Variants in FBXO3 observed in about 807,000 individuals in gnomAD.
FBXO3 encodes the protein F-box only protein 3.
Under a neutral mutation model 64.8 loss-of-function variants are expected in FBXO3, and 17 were observed. That is an observed-to-expected ratio of 0.26 (90% confidence interval 0.18 to 0.39). The LOEUF (loss-of-function observed/expected upper bound fraction) is 0.39, where lower values mean the gene tolerates loss of function less well. FBXO3 is among the 10% of genes least tolerant of loss of function. The pLI, the probability that FBXO3 is intolerant of heterozygous loss-of-function variation, is 1.00. For missense variants in FBXO3, 420 were observed against 589.9 expected (o/e 0.71, Z 2.98); for synonymous variants, 182 against 201.6 (o/e 0.90, Z 0.82).
chr11:33,772,588 A>G (rs1331083233), intron 1 of FBXO3: 1 of 152,208 alleles, frequency 6.6e-6, no homozygotes, highest in East Asian at 1.9e-4. Flanking sequence ...CTCTGCCAGA[A>G]CTGCATATGC....
In FBXO3 at chr11:33,741,760, T is replaced by C. The variant is rs1854691392; in HGVS notation, c.*148A>G. The C allele has an allele frequency of 3.0e-6, 2 of 667,506 alleles. No individual in the cohort carries two copies. Among genetic ancestry groups the C allele is most frequent in the Non-Finnish European group, 4.4e-6 (2 of 453,394 alleles). The allele number at this position is 667,506 out of a possible 1,614,324, so 41.3% of individuals were successfully genotyped here. ...CAAACCCAAACAATCCAATTCCTAA[T>C]GTAGTGTCACATAGAACCCAGGGCC... On this transcript the variant is annotated 3_prime_UTR_variant, in exon 11 of 11. Transcript: ENST00000265651.
intron 3 of FBXO3, among the ~76,000 whole-genome samples, chr11:33,758,812 A>G (rs1467980360): frequency 2.0e-5 from 3 of 152,220 alleles, no homozygotes; most frequent in Admixed American, 2.0e-4. Flanking sequence ...AAACACTGGC[A>G]CTTAGTAAAA....
intron 8 of FBXO3, among the ~76,000 whole-genome samples, chr11:33,749,477 C>G (rs1048292717): frequency 3.3e-5 from 5 of 151,954 alleles, no homozygotes; most frequent in Admixed American, 3.3e-4. Context: ...TCTTCCGCCT[C>G]AGCTCCTCTA....
Position 33,770,841 on chromosome 11 carries a change from C to T in FBXO3, c.105-11G>A. ...CTGACATAACAACAGCTGGCAGTAA[C>T]CAGATTCACCGATAGTATTTAAAAA... On this transcript the variant is annotated splice_polypyrimidine_tract_variant and intron_variant, in intron 1 of 10. Transcript: ENST00000265651. The T allele has an allele frequency of 5.7e-6, 9 of 1,570,294 alleles. No individual in the cohort carries two copies. Among genetic ancestry groups the T allele is most frequent in the Non-Finnish European group, 7.8e-6 (9 of 1,147,164 alleles).
At chr11:33,751,658 A>C in intron 6 of FBXO3, 51 bp from the exon 7 acceptor site, 1 of 1,099,076 alleles carries the variant, frequency 9.1e-7, no homozygotes, top group South Asian at 1.4e-5. Flanking sequence ...AGTTTTGTAA[A>C]ATCTATACAG....
At position 33,774,468 on chromosome 11, in the gene FBXO3, C is replaced by A; in HGVS notation, c.30G>T (p.Pro10=). MAAMETETA[P]LTLESLPTDP... Reference sequence around the variant, plus strand: ...CGGTGGGCAGCGACTCTAGGGTCAGCGGCGCCGTCTCGGTCTCCATGGCCG... The same window carrying A: ...CGGTGGGCAGCGACTCTAGGGTCAGAGGCGCCGTCTCGGTCTCCATGGCCG... The change falls in exon 1 of 11, where the codon CCG becomes CCT. Residue 10 remains proline, a synonymous_variant. Coordinates refer to ENST00000265651, the MANE Select transcript of FBXO3 (RefSeq NM_012175.4). 1 of 1,588,914 alleles carries A rather than the reference C, an allele frequency of 6.3e-7. No individual in the cohort carries two copies. The highest frequency in any genetic ancestry group is 8.6e-7 in the Non-Finnish European group (1 of 1,168,372).
At chr11:33,746,435 G>T (rs1181633000) in intron 10 of FBXO3, 13 of 465,772 alleles carry the variant, frequency 2.8e-5, no homozygotes, top group Admixed American at 1.4e-4. Flanking sequence ...CTCTGGATCA[G>T]ATTAATATCA....
chr11:33,750,609 C>T lies in FBXO3; in HGVS notation c.862G>A (p.Val288Ile). 1 of 1,613,788 alleles carries T rather than the reference C, an allele frequency of 6.2e-7. No individual in the cohort carries two copies. The highest frequency in any genetic ancestry group is 1.3e-5 in the African/African-American group (1 of 75,022). The change falls in exon 8 of 11, where the codon GTT becomes ATT. Residue 288 changes from valine to isoleucine, a missense_variant. By Grantham distance (29) the Val-to-Ile change is conservative. Transcript: ENST00000265651. ...VATTGDITVS[V>I]STSFLPELSS... ...AGTTCTGGCAGAAACGATGTGGAAACTGACACAGTAATATCCCCAGTTGTT... is the reference window on the plus strand; with the variant it reads ...AGTTCTGGCAGAAACGATGTGGAAATTGACACAGTAATATCCCCAGTTGTT...
intron 10 of FBXO3, 69 bp downstream of exon 10, chr11:33,747,061 G>T: frequency 1.3e-6 from 2 of 1,574,946 alleles, no homozygotes; most frequent in Non-Finnish European, 1.7e-6. Context: ...CTAACTATTT[G>T]CCTGGCTTAT....
chr11:33,767,063 T>C (rs1855390760), intron 3 of FBXO3, among the ~76,000 whole-genome samples: 1 of 151,856 alleles, frequency 6.6e-6, no homozygotes, highest in African/African-American at 2.4e-5. Flanking sequence ...CTTAGTTTTA[T>C]CTTCTTGATA....
At chr11:33,749,535 T>A (rs554603330) in intron 8 of FBXO3, among the ~76,000 whole-genome samples, 193 of 152,180 alleles carry the variant, frequency 1.3e-3, no homozygotes, top group African/African-American at 3.8e-3. Flanking sequence ...CTAATTTTTT[T>A]AAAAATTTTT....
chr11:33,751,636 A>T, intron 6 of FBXO3, 29 bp from the exon 7 acceptor site: 2 of 1,351,626 alleles, frequency 1.5e-6, no homozygotes, highest in Non-Finnish European at 2.1e-6. Context: ...AGAAAAAAAG[A>T]AAAGAACAAA....
At chr11:33,761,534 A>AT (rs1855241457) in intron 3 of FBXO3, among the ~76,000 whole-genome samples, 1 of 152,218 alleles carries the variant, frequency 6.6e-6, no homozygotes, top group Admixed American at 6.5e-5. Flanking sequence ...TTTAAAAAAT[A>AT]TTTTTAAATG....
Position 33,755,950 on chromosome 11 carries a change from T to C in FBXO3, c.499A>G (p.Asn167Asp). 1 of 1,614,088 alleles carries C rather than the reference T, an allele frequency of 6.2e-7. No homozygotes were observed. Among genetic ancestry groups the C allele is most frequent in the Non-Finnish European group, 8.5e-7 (1 of 1,180,000 alleles). Residue 167 changes from asparagine (N) to aspartate (D), a missense_variant, in exon 5 of 11, where the codon AAT (asparagine) becomes GAT (aspartate). By Grantham distance (23) the Asn-to-Asp change is conservative. Around this residue, in one of 3 missense-constraint regions of FBXO3, gnomAD observed 337 missense variants for 518.4 expected, o/e 0.65. Coordinates refer to ENST00000265651, the MANE Select transcript of FBXO3 (RefSeq NM_012175.4). ...PGLLGSMALSNHYRSEDLLDV... is the reference protein window; with the variant it reads ...PGLLGSMALSDHYRSEDLLDV... The stretch of plus-strand genomic sequence containing the variant: ...AACAAATCTTCAGAACGATAGTGAT[T>C]AGACAGTGCCATGCTTCCCAATAAC...
In FBXO3 at chr11:33,750,604, G is replaced by A. The variant is rs758542263; in HGVS notation, c.867C>T (p.Ser289=). ...ATTGDITVSV[S]TSFLPELSSV... is the part of the protein sequence containing the mutation. The stretch of plus-strand genomic sequence containing the variant: ...AGCTAAGTTCTGGCAGAAACGATGT[G>A]GAAACTGACACAGTAATATCCCCAG... The change falls in exon 8 of 11, where the codon TCC becomes TCT. Residue 289 remains serine (S), a synonymous_variant. Transcript: ENST00000265651. 6.2e-7 allele frequency: 1 copy of A among 1,613,690 alleles called. No individual in the cohort carries two copies.
In FBXO3 at chr11:33,749,838, T is replaced by C. The variant is rs78924655; in HGVS notation, c.932+701A>G. Among the ~76,000 whole-genome samples, 132 of 152,322 alleles carry C rather than the reference T, an allele frequency of 8.7e-4. 1 individual carries two copies. In the East Asian group the frequency reaches 0.021, roughly 25 times the overall value. On this transcript the variant is annotated intron_variant, in intron 8 of 10. Coordinates refer to ENST00000265651, the MANE Select transcript of FBXO3 (RefSeq NM_012175.4). ...CAAACAAGTAAACGACAAATATCTA[T>C]ACATGTGTATTTGGATATAGCAAAG... is the stretch of plus-strand genomic sequence containing the variant.
At chr11:33,763,861 T>C in intron 3 of FBXO3, among the ~76,000 whole-genome samples, 1 of 152,074 alleles carries the variant, frequency 6.6e-6, no homozygotes, top group Non-Finnish European at 1.5e-5. Context: ...CTTAGGGAAA[T>C]GCAAATTAAA....
chr11:33,753,267 T>G (rs1222691565), intron 6 of FBXO3: 1 of 152,182 alleles, frequency 6.6e-6, no homozygotes, highest in Non-Finnish European at 1.5e-5. Flanking sequence ...GCTCTCCCAT[T>G]TTAAGAGAAA....
intron 3 of FBXO3, among the ~76,000 whole-genome samples, chr11:33,759,581 C>G (rs1855192350): frequency 6.6e-6 from 1 of 152,100 alleles, no homozygotes; most frequent in Non-Finnish European, 1.5e-5. Context: ...CAGTGATCTG[C>G]CCATTGACTA....
Sources: gnomAD v4.1 joint callset for allele counts (sites outside exome capture counted in the v4.1 genomes callset) on GRCh38, gnomAD v4.1.1 for gene constraint, gnomAD v4.1.1 regional missense constraint, MANE v1.5 for transcripts, NCBI Gene and HGNC (gene_info 2026-07-23, HGNC 2026-07-21) for gene names.